ASMT: variants seen among roughly 807,000 people sequenced by gnomAD.
The protein encoded by ASMT is acetylserotonin N-methyltransferase.
ASMT carries 53 observed loss-of-function variants against 41.3 expected under a neutral mutation model. That is an observed-to-expected ratio of 1.28 (90% CI 1.03 to 1.61). ASMT has a LOEUF of 1.61. Ranked by LOEUF, ASMT falls within the 40% of genes most tolerant of loss-of-function variation. The probability of loss-of-function intolerance (pLI) is 0.00; values close to 1 mark genes in which losing one functional copy is unlikely to be tolerated. For synonymous variants in ASMT, 231 were observed against 184.8 expected (o/e 1.25, Z -2.03); for missense variants, 531 against 441.3 (o/e 1.20, Z -1.82).
Position 1,643,050 on chromosome X carries a change from A to G in ASMT, c.*36A>G. On this transcript the variant is annotated 3_prime_UTR_variant, in exon 9 of 9. Transcript: ENST00000381241. ...TGACCTGGAACTAACGTCAAAGCAC[A>G]CAAGACATAATAATAAAGACATGTA... 6.2e-7 allele frequency: 1 copy of G among 1,601,938 alleles called. No individual in the cohort carries two copies. Among genetic ancestry groups the G allele is most frequent in the Non-Finnish European group, 8.6e-7 (1 of 1,168,918 alleles).
intron 1 of ASMT, among the ~76,000 whole-genome samples, chrX:1,620,307 GA>G (rs777995849): frequency 1.7e-3 from 251 of 150,764 alleles, no homozygotes; most frequent in African/African-American, 5.8e-3. Flanking sequence ...GAATAGGTGG[GA>G]TTACAGGCGT....
At chrX:1,626,098 C>T (rs1458536171) in intron 3 of ASMT, among the ~76,000 whole-genome samples, 3 of 151,820 alleles carry the variant, frequency 2.0e-5, no homozygotes, top group Admixed American at 1.3e-4. Context: ...TTGGTTCTCT[C>T]CTGGATCAGA....
At chrX:1,624,230 TCTCA>T in intron 2 of ASMT, 35 bp from the exon 3 acceptor site, 1 of 1,613,588 alleles carries the variant, frequency 6.2e-7, no homozygotes, top group Non-Finnish European at 8.5e-7. Flanking sequence ...GAACTCGGAA[TCTCA>T]CTGCTTTTTC....
intron 1 of ASMT, among the ~76,000 whole-genome samples, chrX:1,615,919 A>G (rs1934078545): frequency 6.6e-6 from 1 of 151,492 alleles, no homozygotes. Context: ...AAAACATTTC[A>G]TGATAGAGTA....
intron 7 of ASMT, chrX:1,636,210 G>A (rs1332668963): frequency 3.3e-4 from 203 of 612,048 alleles, no homozygotes; most frequent in Non-Finnish European, 5.5e-4. Flanking sequence ...GCCCACCTCC[G>A]CCTCCCAAAG....
chrX:1,630,294 AG>A (rs1934724578), intron 5 of ASMT, among the ~76,000 whole-genome samples: 1 of 111,578 alleles, frequency 9.0e-6, no homozygotes, highest in Non-Finnish European at 1.9e-5. Flanking sequence ...CCACCACACC[AG>A]GCTAATTTTT....
At chrX:1,631,403 C>T (rs1934771070) in intron 5 of ASMT, among the ~76,000 whole-genome samples, 4 of 151,948 alleles carry the variant, frequency 2.6e-5, no homozygotes, top group Admixed American at 2.0e-4. Flanking sequence ...ACCCCTTAAG[C>T]ACCTCCTCTA....
In ASMT at chrX:1,622,837, G is replaced by A. The variant is rs745389542; in HGVS notation, c.70-302G>A. ...TGAGGCAGGAGAATGGTGTGAAGCC[G>A]GGAGGCAGAGGTTGCAGTGAGCCGA... On this transcript the variant is annotated intron_variant, in intron 1 of 8. Transcript: ENST00000381241. Among the ~76,000 whole-genome samples the A allele has an allele frequency of 3.4e-3, 510 of 151,826 alleles. 4 individuals carry two copies. Among genetic ancestry groups the A allele is most frequent in the African/African-American group, 0.012 (485 of 41,450 alleles).
chrX:1,633,642 ATT>A (rs35471677), intron 7 of ASMT, among the ~76,000 whole-genome samples: 1 of 131,650 alleles, frequency 7.6e-6, no homozygotes, highest in Non-Finnish European at 1.6e-5. Context: ...CATCCAGCTA[ATT>A]TTTTTTTTTT....
chrX:1,618,546 T>C (rs1442044605), intron 1 of ASMT, among the ~76,000 whole-genome samples: 2 of 151,990 alleles, frequency 1.3e-5, no homozygotes, highest in Non-Finnish European at 2.9e-5. Flanking sequence ...GCAATCTGCC[T>C]GCCTCAGCCT....
Position 1,616,573 on chromosome X carries a change from G to C in ASMT, c.69+1305G>C, listed in dbSNP as rs1349900159. On this transcript the variant is annotated intron_variant, in intron 1 of 8. Transcript: ENST00000381241. Reference sequence around the variant, plus strand: ...TACTAAGTGCCCCTGAATTATGCTTGAAAAGGGTTAATGATGGCCGGGCTC... The same window carrying C: ...TACTAAGTGCCCCTGAATTATGCTTCAAAAGGGTTAATGATGGCCGGGCTC... 2.0e-5 allele frequency among the ~76,000 whole-genome samples: 3 copies of C among 151,328 alleles called. No homozygotes were observed. In the East Asian group the frequency reaches 5.8e-4, roughly 29 times the overall value.
At chrX:1,627,586 A>G (rs1376704919) in intron 3 of ASMT, 117 bp from the exon 4 acceptor site, 1 of 1,081,058 alleles carries the variant, frequency 9.3e-7, no homozygotes, top group Non-Finnish European at 1.4e-6. Flanking sequence ...GTGCCATTGC[A>G]CTCCAGCCTG....
At chrX:1,631,123 C>T (rs78582697) in intron 5 of ASMT, among the ~76,000 whole-genome samples, 17,528 of 150,770 alleles carry the variant, frequency 0.12, 845 homozygotes, top group African/African-American at 0.17. Context: ...TCCGTGTTAG[C>T]CAGGATGGTC....
rs745951046 is a variant in ASMT, at chrX:1,623,539, C to T, written c.244+226C>T. Among the ~76,000 whole-genome samples, 3 of 152,252 alleles carry T rather than the reference C, an allele frequency of 2.0e-5. No individual in the cohort carries two copies. The South Asian group carries it at 6.2e-4, about 32-fold the overall frequency. ...GCATGAACCCGGGAGGCAGAGGTTGCAGTGAGCCGAGATCGTGCCACTGCA... is the reference window on the plus strand; with the variant it reads ...GCATGAACCCGGGAGGCAGAGGTTGTAGTGAGCCGAGATCGTGCCACTGCA... On this transcript the variant is annotated intron_variant, in intron 2 of 8. Transcript: ENST00000381241.
intron 1 of ASMT, among the ~76,000 whole-genome samples, chrX:1,617,141 C>G (rs1246254349): frequency 1.1e-4 from 17 of 152,010 alleles, no homozygotes; most frequent in African/African-American, 4.1e-4. Context: ...CCACTGCACT[C>G]CAGCCTGGAT....
At chrX:1,629,661 C>A (rs190169116) in intron 4 of ASMT, among the ~76,000 whole-genome samples, 160 bp from the exon 5 acceptor site, 27 of 152,276 alleles carry the variant, frequency 1.8e-4, no homozygotes, top group African/African-American at 6.5e-4. Context: ...ACCTATGGTT[C>A]CCCCATCCCG....
At chrX:1,621,345 T>C (rs1468071340) in intron 1 of ASMT, among the ~76,000 whole-genome samples, 2 of 151,540 alleles carry the variant, frequency 1.3e-5, no homozygotes, top group African/African-American at 2.4e-5. Flanking sequence ...TGAGATGGAG[T>C]CTCGCTCTGT....
intron 7 of ASMT, among the ~76,000 whole-genome samples, chrX:1,635,186 G>T (rs1460657294): frequency 7.0e-6 from 1 of 143,158 alleles, no homozygotes; most frequent in East Asian, 2.1e-4. Flanking sequence ...GGGTTTCACC[G>T]TGTTAGCCAG....
chrX:1,615,086 G>A lies in ASMT; in HGVS notation c.-114G>A. 1.2e-6 allele frequency: 1 copy of A among 844,520 alleles called. No individual in the cohort carries two copies. 52.3% of individuals were successfully genotyped at this position (844,520 alleles called of 1,614,324 possible). On this transcript the variant is annotated 5_prime_UTR_variant, in exon 1 of 9. Coordinates refer to ENST00000381241, the MANE Select transcript of ASMT (RefSeq NM_001171038.2). ...TTGAGTACTGGGCAGGCAGCAGGGA[G>A]AGTCAGGCAGCAGCTGTGAGCGGGT...
Sources: gnomAD v4.1 joint callset for allele counts (sites outside exome capture counted in the v4.1 genomes callset) on GRCh38, gnomAD v4.1.1 for gene constraint, MANE v1.5 for transcripts, NCBI Gene and HGNC (gene_info 2026-07-23, HGNC 2026-07-21) for gene names.